The following OTOGL variants were observed in gnomAD, a reference collection of about 807,000 sequenced individuals.
The protein encoded by OTOGL is otogelin-like protein.
A neutral mutation model predicts 318.5 loss-of-function variants in OTOGL; 285 were observed. The ratio of observed to expected loss-of-function variants is 0.89; its 90% CI spans 0.81 to 0.99. The LOEUF (loss-of-function observed/expected upper bound fraction) is 0.99. OTOGL is among the 50% of genes least tolerant of loss of function. The pLI is 0.00. For missense variants in OTOGL, 2,899 were observed against 2,845.6 expected (o/e 1.02, Z -0.43); for synonymous variants, 987 against 936.5 (o/e 1.05, Z -0.99).
chr12:80,349,768 G>T (rs138232066), intron 44 of OTOGL, among the ~76,000 whole-genome samples: 1 of 152,042 alleles, frequency 6.6e-6, no homozygotes, highest in African/African-American at 2.4e-5. Flanking sequence ...AAATCTTAGG[G>T]TTTTTTTCTG....
rs372173945 is a variant in OTOGL at position 80,355,902 on chromosome 12, C to G, written c.5760C>G (p.Val1920=). The G allele has an allele frequency of 1.2e-6, 2 of 1,613,764 alleles. No homozygotes were observed. The highest frequency in any genetic ancestry group is 1.7e-6 in the Non-Finnish European group (2 of 1,179,826). ...TTTGTGAACGAGAAGCTGAAGTTGT[C>G]ATGGGCATCATTGATAAATGGACCT... ...TPVCEREAEV[V]MGIIDKWTCC... The change falls in exon 47 of 59, where the codon GTC becomes GTG. Residue 1920 remains valine, a synonymous_variant. Transcript: ENST00000547103.
intron 36 of OTOGL, 48 bp downstream of exon 36, chr12:80,328,792 A>G (rs371129462): frequency 4.7e-6 from 7 of 1,492,270 alleles, no homozygotes; most frequent in South Asian, 2.4e-5. Flanking sequence ...ATACGCTTGC[A>G]TATGTTTTTT....
chr12:80,127,156 G>A (rs1870902838), intron 1 of OTOGL, among the ~76,000 whole-genome samples: 1 of 152,132 alleles, frequency 6.6e-6, no homozygotes, highest in African/African-American at 2.4e-5. Flanking sequence ...TTACAATTTG[G>A]CATGTTTTTG....
At chr12:80,335,603 T>G (rs1412099049) in intron 38 of OTOGL, among the ~76,000 whole-genome samples, 1 of 152,098 alleles carries the variant, frequency 6.6e-6, no homozygotes, top group Non-Finnish European at 1.5e-5. Context: ...TTATGACACA[T>G]GAAGTTATAT....
intron 29 of OTOGL, among the ~76,000 whole-genome samples, chr12:80,307,463 C>G (rs1167768299): frequency 7.1e-6 from 1 of 141,654 alleles, no homozygotes; most frequent in Non-Finnish European, 1.5e-5. Flanking sequence ...CCCTCCTGGA[C>G]GGGGTGGCTG....
At chr12:80,217,702 C>G in intron 5 of OTOGL, 38 bp downstream of exon 5, 1 of 1,390,532 alleles carries the variant, frequency 7.2e-7, no homozygotes, top group Non-Finnish European at 9.8e-7. Flanking sequence ...TTTGCTTTCT[C>G]AGAAAATCCC....
At position 80,233,040 on chromosome 12, in the gene OTOGL, T is replaced by A. The variant is rs1473784102; in HGVS notation, c.760T>A (p.Cys254Ser). 1 of 1,598,490 alleles carries A rather than the reference T, an allele frequency of 6.3e-7. No homozygotes were observed. The highest frequency in any genetic ancestry group is 1.7e-5 in the Admixed American group (1 of 60,006). Residue 254 changes from cysteine to serine, a missense_variant, in exon 9 of 59, where the codon TGT becomes AGT. By Grantham distance (112) the Cys-to-Ser change is moderately radical (BLOSUM62 -1). This residue lies in a region of OTOGL where 2,607 missense variants were observed against 2,524.9 expected (regional missense o/e 1.03). Transcript: ENST00000547103. ...GTCTGAGGACCATAAGGGGAAATCATGTGGCCTATGTGGAAACTACAATGA... is the reference window on the plus strand; with the variant it reads ...GTCTGAGGACCATAAGGGGAAATCAAGTGGCCTATGTGGAAACTACAATGA... ...KLSEDHKGKS[C>S]GLCGNYNDIQ...
At chr12:80,270,998 C>T (rs1021352382) in intron 23 of OTOGL, among the ~76,000 whole-genome samples, 2 of 151,990 alleles carry the variant, frequency 1.3e-5, no homozygotes, top group Non-Finnish European at 2.9e-5. Context: ...AATTACATGC[C>T]CTGAATTTAC....
chr12:80,121,578 CAAAAT>C (rs1239467464), intron 1 of OTOGL, among the ~76,000 whole-genome samples: 1 of 152,056 alleles, frequency 6.6e-6, no homozygotes, highest in Admixed American at 6.6e-5. Flanking sequence ...CGAAACAAAA[CAAAAT>C]AAAAAACCAA....
At chr12:80,143,519 T>C (rs1872092259) in intron 1 of OTOGL, among the ~76,000 whole-genome samples, 1 of 152,142 alleles carries the variant, frequency 6.6e-6, no homozygotes, top group Non-Finnish European at 1.5e-5. Context: ...ATTTCTCCCA[T>C]TTTTCATGGT....
chr12:80,365,439 A>G (rs1166937077), intron 52 of OTOGL, among the ~76,000 whole-genome samples: 1 of 152,120 alleles, frequency 6.6e-6, no homozygotes, highest in East Asian at 1.9e-4. Flanking sequence ...AAATGAGCAT[A>G]GAAGAGAAGG....
intron 44 of OTOGL, among the ~76,000 whole-genome samples, chr12:80,349,126 G>A (rs1309255161): frequency 4.0e-5 from 6 of 151,828 alleles, no homozygotes; most frequent in African/African-American, 9.7e-5. Flanking sequence ...AGATTAAATC[G>A]TGTGCATCAT....
At chr12:80,350,525 T>G (rs990600929) in intron 44 of OTOGL, among the ~76,000 whole-genome samples, 4 of 152,170 alleles carry the variant, frequency 2.6e-5, no homozygotes, top group South Asian at 2.1e-4. Flanking sequence ...CCACCAACAG[T>G]GTGCAAGGGT....
chr12:80,205,098 CTAAAG>C lies in OTOGL; in HGVS notation c.-19-4311_-19-4307del, dbSNP rs1015993408. ...GAAATAACATTCTTTCTCAACAACT[CTAAAG>C]TAAGTACATAAAAATTATTGAAGAT... On this transcript the variant is annotated intron_variant, in intron 1 of 58. Coordinates refer to ENST00000547103, the MANE Select transcript of OTOGL (RefSeq NM_001378609.3). Among the ~76,000 whole-genome samples, 7 of 152,118 alleles carry C rather than the reference CTAAAG, an allele frequency of 4.6e-5. No homozygotes were observed. In the South Asian group the frequency reaches 6.2e-4, roughly 14 times the overall value.
intron 1 of OTOGL, among the ~76,000 whole-genome samples, chr12:80,145,276 G>T (rs570873899): frequency 7.9e-5 from 12 of 151,910 alleles, no homozygotes; most frequent in African/African-American, 2.4e-4. Context: ...TCTACATATG[G>T]CTAGCCAGTT....
chr12:80,148,899 C>T (rs1872583265), intron 1 of OTOGL, among the ~76,000 whole-genome samples: 2 of 152,180 alleles, frequency 1.3e-5, no homozygotes, highest in Non-Finnish European at 2.9e-5. Flanking sequence ...TGGTTTTCAG[C>T]TCCATCAGCT....
rs568488789 is a variant in OTOGL at position 80,311,672 on chromosome 12, G to T, written c.3450+945G>T. 4.6e-5 allele frequency among the ~76,000 whole-genome samples: 7 copies of T among 152,262 alleles called. No homozygotes were observed. The South Asian group carries it at 1.2e-3, about 27-fold the overall frequency. On this transcript the variant is annotated intron_variant, in intron 30 of 58. Coordinates refer to ENST00000547103, the MANE Select transcript of OTOGL (RefSeq NM_001378609.3). ...TCTGCCCACCTCTGCCTCCCAAAAG[G>T]CTGGGATTACAGGCGTGAACCACTG... is the stretch of plus-strand genomic sequence containing the variant.
chr12:80,302,525 C>A (rs1885829001), intron 27 of OTOGL, 109 bp from the exon 28 acceptor site: 5 of 708,110 alleles, frequency 7.1e-6, no homozygotes, highest in Non-Finnish European at 9.8e-6. Context: ...GACCATGCAA[C>A]AATATTAGTA....
chr12:80,313,486 C>A lies in OTOGL; in HGVS notation c.3461C>A (p.Thr1154Asn), dbSNP rs762485776. The change falls in exon 31 of 59, where the codon ACT becomes AAT. Residue 1154 changes from threonine (T) to asparagine (N), a missense_variant. Transcript: ENST00000547103. ...FASCRNVIDV[T>N]SFAKNCHEDT... ...CACCTCATTTTTCAGATTGACGTTA[C>A]TTCTTTTGCCAAAAATTGTCATGAA... The A allele has an allele frequency of 6.2e-6, 10 of 1,609,736 alleles. No homozygotes were observed. The South Asian group carries it at 8.8e-5, about 14-fold the overall frequency.
Sources: allele counts gnomAD v4.1 joint callset (sites outside exome capture counted in the v4.1 genomes callset), GRCh38; gene constraint gnomAD v4.1.1; regional missense constraint gnomAD v4.1.1; transcripts MANE v1.5; gene names NCBI Gene and HGNC (gene_info 2026-07-23, HGNC 2026-07-21).